PODXL: variants seen among roughly 807,000 people sequenced by gnomAD.
PODXL encodes podocalyxin.
A neutral mutation model predicts 48.9 loss-of-function variants in PODXL; 20 were observed. The observed-to-expected ratio is 0.41, with a 90% CI of 0.29 to 0.59. The LOEUF is 0.59. Among genes scored for constraint, PODXL ranks in the 20% least tolerant of loss-of-function variants. The pLI is 0.31. For synonymous variants in PODXL, 295 were observed against 287.4 expected (o/e 1.03, Z -0.27); for missense variants, 606 against 675.1 (o/e 0.90, Z 1.13).
intron 1 of PODXL, among the ~76,000 whole-genome samples, chr7:131,518,932 G>C (rs1798052431): frequency 6.6e-6 from 1 of 152,080 alleles, no homozygotes. Flanking sequence ...CTAGACGCAG[G>C]CAAATATCCT....
chr7:131,508,523 T>C (rs1214215207), intron 5 of PODXL, among the ~76,000 whole-genome samples: 2 of 152,066 alleles, frequency 1.3e-5, no homozygotes, highest in Non-Finnish European at 2.9e-5. Context: ...TCTCAAAGTG[T>C]TGGGATTACA....
In PODXL at chr7:131,503,464, T is replaced by A. The variant is rs1350633689; in HGVS notation, c.*847A>T. On this transcript the variant is annotated 3_prime_UTR_variant, in exon 9 of 9. Coordinates refer to ENST00000378555, the MANE Select transcript of PODXL (RefSeq NM_001018111.3). Reference sequence around the variant, plus strand: ...ATGGGCCAGTGTTCCTGCTGACCCCTCATCAGCTGCCCTGAGATACCAGCC... The same window carrying A: ...ATGGGCCAGTGTTCCTGCTGACCCCACATCAGCTGCCCTGAGATACCAGCC... 1 of 152,264 alleles carries A rather than the reference T, an allele frequency of 6.6e-6. No individual in the cohort carries two copies. Among genetic ancestry groups the A allele is most frequent in the African/African-American group, 2.4e-5 (1 of 41,430 alleles). The allele number at this position is 152,264 out of a possible 1,614,324, so 9.4% of individuals were successfully genotyped here. A position where few individuals can be genotyped will look rare whatever the true frequency, so the allele number is the denominator to read the frequency against.
chr7:131,506,808 C>A, intron 5 of PODXL, 82 bp from the exon 6 acceptor site: 1 of 1,461,808 alleles, frequency 6.8e-7, no homozygotes, highest in East Asian at 2.3e-5. Flanking sequence ...CAGCTAAGGT[C>A]GGGACAGTGC....
chr7:131,520,061 G>A (rs950159197), intron 1 of PODXL: 1 of 188,866 alleles, frequency 5.3e-6, no homozygotes, highest in Non-Finnish European at 1.1e-5. Flanking sequence ...TTACCAGAGT[G>A]ACTCAAGGAA....
At chr7:131,517,192 C>T (rs146182415) in intron 1 of PODXL, among the ~76,000 whole-genome samples, 4 of 152,252 alleles carry the variant, frequency 2.6e-5, no homozygotes, top group East Asian at 1.9e-4. Context: ...TCAGTGGGGA[C>T]GGACACCAGG....
rs2116881878 is a variant in PODXL at position 131,556,553 on chromosome 7, C to CTTCCTCT, written c.-195_-194insAGAGGAA. ...CCGCTGCAGCAGAGCCGGGCTGGGGCGCAGAGCCAGTGGCAGAGGAGCGGC... is the reference window on the plus strand; with the variant it reads ...CCGCTGCAGCAGAGCCGGGCTGGGGCTTCCTCTGCAGAGCCAGTGGCAGAGGAGCGGC... On this transcript the variant is annotated 5_prime_UTR_variant, in exon 1 of 9. Transcript: ENST00000378555. 1.7e-6 allele frequency: 1 copy of CTTCCTCT among 598,876 alleles called. No individual in the cohort carries two copies. The highest frequency in any genetic ancestry group is 3.9e-5 in the East Asian group (1 of 25,700). The allele number at this position is 598,876 out of a possible 1,614,324, so 37.1% of individuals were successfully genotyped here.
Position 131,512,182 on chromosome 7 carries a change from AG to A in PODXL, c.101-750del, listed in dbSNP as rs1797925105. 2.6e-5 allele frequency among the ~76,000 whole-genome samples: 4 copies of A among 152,256 alleles called. No homozygotes were observed. The South Asian group carries it at 8.3e-4, about 32-fold the overall frequency. On this transcript the variant is annotated intron_variant, in intron 1 of 8. Coordinates refer to ENST00000378555, the MANE Select transcript of PODXL (RefSeq NM_001018111.3). ...AAGGCCGAGTGCCCGGACTGCATGC[AG>A]CATGGTGGCTTCACCTGTCATTTCT...
At chr7:131,525,426 C>CAA (rs57927217) in intron 1 of PODXL, among the ~76,000 whole-genome samples, 795 of 59,208 alleles carry the variant, frequency 0.013, 145 homozygotes, top group African/African-American at 0.046. Flanking sequence ...TCATCTCTAC[C>CAA]AAAAAAAAAA....
intron 4 of PODXL, 101 bp downstream of exon 4, chr7:131,509,263 GC>G: frequency 1.0e-6 from 1 of 1,002,576 alleles, no homozygotes; most frequent in South Asian, 1.4e-5. Context: ...CAAAGCCCCA[GC>G]CAGGGGCCCT....
chr7:131,524,775 T>C (rs1176705637), intron 1 of PODXL, among the ~76,000 whole-genome samples: 1 of 152,166 alleles, frequency 6.6e-6, no homozygotes, highest in Non-Finnish European at 1.5e-5. Flanking sequence ...TGAAAACCTA[T>C]AGTCACATAA....
chr7:131,502,766 C>T lies in PODXL; in HGVS notation c.*1545G>A, dbSNP rs1331569965. On this transcript the variant is annotated 3_prime_UTR_variant, in exon 9 of 9. Coordinates refer to ENST00000378555, the MANE Select transcript of PODXL (RefSeq NM_001018111.3). Reference sequence around the variant, plus strand: ...TCAATCAGATGAAACCTCACCATGCCCACTGCTTAGGAGCCTTCTACATGG... The same window carrying T: ...TCAATCAGATGAAACCTCACCATGCTCACTGCTTAGGAGCCTTCTACATGG... The T allele has an allele frequency of 6.6e-6, 1 of 152,668 alleles. No individual in the cohort carries two copies. Among genetic ancestry groups the T allele is most frequent in the African/African-American group, 2.4e-5 (1 of 41,438 alleles). 9.5% of individuals were successfully genotyped at this position (152,668 alleles called of 1,614,324 possible).
intron 1 of PODXL, among the ~76,000 whole-genome samples, chr7:131,534,695 G>C (rs1447914865): frequency 6.6e-6 from 1 of 152,242 alleles, no homozygotes; most frequent in Non-Finnish European, 1.5e-5. Context: ...CAAGATGGAA[G>C]AGTCTGGTAA....
At chr7:131,518,186 A>G (rs1798032911) in intron 1 of PODXL, among the ~76,000 whole-genome samples, 1 of 152,144 alleles carries the variant, frequency 6.6e-6, no homozygotes, top group South Asian at 2.1e-4. Context: ...AGAGATTAGG[A>G]CCTGAACATG....
intron 1 of PODXL, among the ~76,000 whole-genome samples, chr7:131,543,394 G>A (rs998443804): frequency 6.6e-6 from 1 of 152,102 alleles, no homozygotes; most frequent in Admixed American, 6.5e-5. Flanking sequence ...CCAAAGTGCT[G>A]GGATTATAGG....
At chr7:131,506,911 G>A in intron 5 of PODXL, 185 bp from the exon 6 acceptor site, 1 of 623,824 alleles carries the variant, frequency 1.6e-6, no homozygotes, top group South Asian at 1.9e-5. Context: ...TGTTCTCCTG[G>A]GCCAGTTCCT....
intron 1 of PODXL, among the ~76,000 whole-genome samples, chr7:131,555,753 A>C (rs750300437): frequency 2.0e-5 from 3 of 152,180 alleles, no homozygotes; most frequent in Non-Finnish European, 4.4e-5. Context: ...AACCTCTGCA[A>C]ACGGGTAAGT....
intron 1 of PODXL, among the ~76,000 whole-genome samples, chr7:131,530,026 T>C (rs1213528305): frequency 6.7e-6 from 1 of 149,352 alleles, no homozygotes; most frequent in East Asian, 1.9e-4. Flanking sequence ...AACACTCATT[T>C]TTCCAACATG....
At chr7:131,537,414 C>T (rs1798392779) in intron 1 of PODXL, among the ~76,000 whole-genome samples, 1 of 152,084 alleles carries the variant, frequency 6.6e-6, no homozygotes, top group Non-Finnish European at 1.5e-5. Context: ...TGGTGAAACC[C>T]TGTCTCTACT....
In PODXL at chr7:131,511,368, T is replaced by C; in HGVS notation, c.166A>G (p.Met56Val). Residue 56 changes from methionine to valine, a missense_variant, in exon 2 of 9, where the codon ATG becomes GTG. Physicochemically the swap from Met to Val is conservative, Grantham distance 21. Transcript: ENST00000378555. The stretch of plus-strand genomic sequence containing the variant: ...CTCTGCTGGGCTGTATCTGTAGCCA[T>C]GATGGTGACACTGGATGCTGGAGTC... ...APTPASSVTIMATDTAQQSTV... is the reference protein window; with the variant it reads ...APTPASSVTIVATDTAQQSTV... 6.2e-7 allele frequency: 1 copy of C among 1,609,296 alleles called. No individual in the cohort carries two copies. Among genetic ancestry groups the C allele is most frequent in the Non-Finnish European group, 8.5e-7 (1 of 1,179,952 alleles).
Sources: gnomAD v4.1 joint callset for allele counts (sites outside exome capture counted in the v4.1 genomes callset) on GRCh38, gnomAD v4.1.1 for gene constraint, MANE v1.5 for transcripts, NCBI Gene and HGNC (gene_info 2026-07-23, HGNC 2026-07-21) for gene names.